The following UBE2D2 variants were observed in gnomAD, a reference collection of about 807,000 sequenced individuals.
UBE2D2 encodes ubiquitin conjugating enzyme E2 D2, also known as ubiquitin-conjugating enzyme E2 D2.
Under a neutral mutation model 24.2 loss-of-function variants are expected in UBE2D2, and 2 were observed. The observed-to-expected ratio is 0.08, with a 90% CI of 0.03 to 0.26. UBE2D2 has a LOEUF of 0.26. Among genes scored for constraint, UBE2D2 ranks in the 10% least tolerant of loss-of-function variants. The pLI, the probability that UBE2D2 is intolerant of heterozygous loss-of-function variation, is 1.00. For synonymous variants in UBE2D2, 58 were observed against 56.5 expected (o/e 1.03, Z -0.12); for missense variants, 44 against 177.6 (o/e 0.25, Z 4.28).
At chr5:139,596,094 A>T (rs1753954642) in intron 1 of UBE2D2, among the ~76,000 whole-genome samples, 5 of 151,106 alleles carry the variant, frequency 3.3e-5, no homozygotes, top group Admixed American at 3.3e-4. Context: ...GGGTTTCAGC[A>T]TGTTGGCCAG....
At chr5:139,573,962 C>G (rs1455377617) in intron 1 of UBE2D2, among the ~76,000 whole-genome samples, 1 of 151,624 alleles carries the variant, frequency 6.6e-6, no homozygotes, top group African/African-American at 2.4e-5. Context: ...CAGAGCGAGA[C>G]TGTCTCTAAA....
intron 1 of UBE2D2, among the ~76,000 whole-genome samples, chr5:139,567,393 CG>C (rs1170872621): frequency 1.3e-5 from 2 of 151,712 alleles, no homozygotes; most frequent in African/African-American, 4.8e-5. Context: ...ACACCGTGCC[CG>C]GCCTTAAGTA....
chr5:139,562,174 CGGCCCCTTCGACAGAGGTCGAAAG>C (rs1753115967), intron 1 of UBE2D2: 49 of 1,344,018 alleles, frequency 3.6e-5, no homozygotes, highest in Non-Finnish European at 4.7e-5. Context: ...GGGCGTTGGG[CGGCCCCTTCGACAGAGGTCGAAAG>C]GGCTTCTCGC....
At chr5:139,591,752 AGTT>A (rs994658200) in intron 1 of UBE2D2, among the ~76,000 whole-genome samples, 6 of 152,104 alleles carry the variant, frequency 3.9e-5, no homozygotes, top group South Asian at 2.1e-4. Context: ...ATATGTAAGC[AGTT>A]GTTTTTAAAT....
At chr5:139,600,512 G>C (rs1287238506) in intron 2 of UBE2D2, 77 bp downstream of exon 2, 1 of 1,479,402 alleles carries the variant, frequency 6.8e-7, no homozygotes. Context: ...ATGGTATAGG[G>C]AAGAGGCAGT....
chr5:139,584,489 T>C (rs1319718106), intron 1 of UBE2D2, among the ~76,000 whole-genome samples: 1 of 152,004 alleles, frequency 6.6e-6, no homozygotes, highest in Non-Finnish European at 1.5e-5. Flanking sequence ...TCTCGTGTTT[T>C]ACACATTTAC....
intron 2 of UBE2D2, among the ~76,000 whole-genome samples, chr5:139,603,580 C>T (rs764323431): frequency 1.4e-5 from 2 of 146,820 alleles, no homozygotes; most frequent in Non-Finnish European, 3.0e-5. Flanking sequence ...CGAGATCCCG[C>T]CACTACACTC....
chr5:139,539,152 G>A (rs1006374352), intron 1 of UBE2D2, among the ~76,000 whole-genome samples: 3 of 151,854 alleles, frequency 2.0e-5, no homozygotes, highest in African/African-American at 7.3e-5. Context: ...AGCCTCCTGA[G>A]TAGCTGGGAT....
chr5:139,592,158 C>T (rs539726872), intron 1 of UBE2D2, among the ~76,000 whole-genome samples: 49 of 152,222 alleles, frequency 3.2e-4, no homozygotes, highest in Admixed American at 2.0e-3. Context: ...ACCAAGATTG[C>T]TCCACTGCAG....
intron 2 of UBE2D2, among the ~76,000 whole-genome samples, chr5:139,606,754 A>G (rs1754208381): frequency 6.6e-6 from 1 of 152,160 alleles, no homozygotes. Flanking sequence ...CCAGTATTTC[A>G]TTCAGTAACT....
At chr5:139,601,340 A>G (rs780318088) in intron 2 of UBE2D2, among the ~76,000 whole-genome samples, 2 of 152,216 alleles carry the variant, frequency 1.3e-5, no homozygotes, top group Non-Finnish European at 2.9e-5. Flanking sequence ...GTGATGGCTC[A>G]TGTCCCTAAT....
chr5:139,532,810 T>TA (rs971688124), intron 1 of UBE2D2, among the ~76,000 whole-genome samples: 11 of 151,650 alleles, frequency 7.3e-5, no homozygotes, highest in African/African-American at 2.7e-4. Context: ...TTTAATGTGC[T>TA]AAAAAATGAA....
intron 1 of UBE2D2, among the ~76,000 whole-genome samples, chr5:139,550,642 A>G (rs1263136321): frequency 6.6e-6 from 1 of 151,976 alleles, no homozygotes; most frequent in African/African-American, 2.4e-5. Context: ...CACTGAGTTT[A>G]TGAGCTGTAA....
intron 1 of UBE2D2, among the ~76,000 whole-genome samples, chr5:139,539,844 G>C (rs1752732763): frequency 6.6e-6 from 1 of 152,064 alleles, no homozygotes; most frequent in South Asian, 2.1e-4. Context: ...TGATCCACCT[G>C]CCTCAGCTTC....
At chr5:139,591,205 G>C (rs115576428) in intron 1 of UBE2D2, among the ~76,000 whole-genome samples, 2,107 of 150,312 alleles carry the variant, frequency 0.014, 27 homozygotes, top group Middle Eastern at 0.057. Context: ...ACCATAACCT[G>C]CACTTCCTGG....
chr5:139,549,501 G>A (rs2126637794), intron 1 of UBE2D2, among the ~76,000 whole-genome samples: 1 of 152,362 alleles, frequency 6.6e-6, no homozygotes, highest in East Asian at 1.9e-4. Context: ...AGCCGCTGTG[G>A]AGGGTGCACT....
chr5:139,610,036 G>C (rs914088008), intron 2 of UBE2D2, among the ~76,000 whole-genome samples: 3 of 152,188 alleles, frequency 2.0e-5, no homozygotes, highest in South Asian at 4.1e-4. Flanking sequence ...CTACCAAAGT[G>C]CTGGGATTAC....
intron 1 of UBE2D2, among the ~76,000 whole-genome samples, chr5:139,549,764 C>T (rs1014783192): frequency 3.3e-5 from 5 of 152,230 alleles, no homozygotes; most frequent in Admixed American, 6.5e-5. Context: ...AACTCCGCCC[C>T]GGCCCAGCAC....
rs957128313 is a variant in UBE2D2 at position 139,627,733 on chromosome 5, T to C, written c.*932T>C. ...CTTTTTCATTTTTAAGAAGTTTGTCTAGCTGAGATTAGTGGTGGATTTTCT... is the reference window on the plus strand; with the variant it reads ...CTTTTTCATTTTTAAGAAGTTTGTCCAGCTGAGATTAGTGGTGGATTTTCT... On this transcript the variant is annotated 3_prime_UTR_variant, in exon 7 of 7. Transcript: ENST00000398733. 2.0e-4 allele frequency: 30 copies of C among 152,664 alleles called. 1 individual carries two copies. The highest frequency in any genetic ancestry group is 7.0e-4 in the African/African-American group (29 of 41,466). 9.5% of individuals were successfully genotyped at this position (152,664 alleles called of 1,614,324 possible).
Sources: allele counts gnomAD v4.1 joint callset (sites outside exome capture counted in the v4.1 genomes callset), GRCh38; gene constraint gnomAD v4.1.1; transcripts MANE v1.5; gene names NCBI Gene and HGNC (gene_info 2026-07-23, HGNC 2026-07-21).